Variants in CNOT6 observed in about 807,000 individuals in gnomAD.
The protein encoded by CNOT6 is carbon catabolite repression 4 protein.
CNOT6 carries 12 observed loss-of-function variants against 61.2 expected under a neutral mutation model. The ratio of observed to expected loss-of-function variants is 0.20; its 90% CI spans 0.13 to 0.32. The LOEUF (loss-of-function observed/expected upper bound fraction) is 0.32. Ranked by LOEUF, CNOT6 falls within the 10% of genes least tolerant of loss-of-function variation. The pLI is 1.00. For synonymous variants in CNOT6, 225 were observed against 240.6 expected, an observed-to-expected ratio of 0.94 and a Z score of 0.60; for missense variants, 405 against 663.9, an observed-to-expected ratio of 0.61 and a Z score of 4.28.
At chr5:180,499,407 G>A (rs1756765260) in intron 1 of CNOT6, among the ~76,000 whole-genome samples, 1 of 152,186 alleles carries the variant, frequency 6.6e-6, no homozygotes, top group South Asian at 2.1e-4. Flanking sequence ...TGGTTTGCTA[G>A]GATATGGGTT....
chr5:180,521,499 C>G (rs1477978076), intron 1 of CNOT6, among the ~76,000 whole-genome samples: 1 of 152,144 alleles, frequency 6.6e-6, no homozygotes, highest in East Asian at 1.9e-4. Flanking sequence ...ATTTTCATTT[C>G]TTTTGGGTAA....
In CNOT6 at chr5:180,567,199, A is replaced by AG; in HGVS notation, c.831dup (p.Lys278GlufsTer4). 6.2e-7 allele frequency: 1 copy of AG among 1,613,226 alleles called. No homozygotes were observed. The highest frequency in any genetic ancestry group is 8.5e-7 in the Non-Finnish European group (1 of 1,179,794). On this transcript the variant is annotated frameshift_variant, in exon 8 of 12. Coordinates refer to ENST00000261951, the MANE Select transcript of CNOT6 (RefSeq NM_001370472.1). LOFTEE classifies it high-confidence loss of function. ...AGCTAGGACAATGTCAGAACAAGAA[A>AG]GGAAACATGTTGATGGCTGTGCAAT...
chr5:180,546,347 CTTGTT>C lies in CNOT6; in HGVS notation c.113-3580_113-3576del, dbSNP rs1196361952. On this transcript the variant is annotated intron_variant, in intron 2 of 11. Coordinates refer to ENST00000261951, the MANE Select transcript of CNOT6 (RefSeq NM_001370472.1). ...GCTTCTTCTATTTTTTCTTCACTGT[CTTGTT>C]TTGAAATAATAGAGCTTTTTTTAAA... is the stretch of plus-strand genomic sequence containing the variant. Among the ~76,000 whole-genome samples the C allele has an allele frequency of 1.1e-4, 16 of 152,014 alleles. 1 individual carries two copies. Among genetic ancestry groups the C allele is most frequent in the Admixed American group, 1.0e-3 (16 of 15,282 alleles).
At chr5:180,530,374 C>T (rs945015623) in intron 2 of CNOT6, among the ~76,000 whole-genome samples, 1 of 152,074 alleles carries the variant, frequency 6.6e-6, no homozygotes, top group Non-Finnish European at 1.5e-5. Context: ...ATAGACAAAA[C>T]ATAACAAATC....
intron 1 of CNOT6, among the ~76,000 whole-genome samples, chr5:180,519,876 C>G (rs1757807547): frequency 6.8e-6 from 1 of 147,288 alleles, no homozygotes; most frequent in Non-Finnish European, 1.5e-5. Context: ...GCTCTATTGC[C>G]TAGCTGGAGT....
At chr5:180,497,159 C>T (rs1756647354) in intron 1 of CNOT6, among the ~76,000 whole-genome samples, 1 of 152,040 alleles carries the variant, frequency 6.6e-6, no homozygotes, top group African/African-American at 2.4e-5. Context: ...GAAACCCTGT[C>T]TCTACTAAAA....
At chr5:180,497,070 G>A (rs1043649713) in intron 1 of CNOT6, among the ~76,000 whole-genome samples, 1 of 152,216 alleles carries the variant, frequency 6.6e-6, no homozygotes, top group Non-Finnish European at 1.5e-5. Flanking sequence ...ACTCACGCCT[G>A]TAATCCCAGC....
chr5:180,533,312 CTA>C (rs56266069), intron 2 of CNOT6, among the ~76,000 whole-genome samples: 3,040 of 127,516 alleles, frequency 0.024, 95 homozygotes, highest in African/African-American at 0.068. Context: ...GGATGAAAAC[CTA>C]TATATATATA....
At position 180,574,201 on chromosome 5, in the gene CNOT6, T is replaced by C. The variant is rs376542751; in HGVS notation, c.*1T>C. The C allele has an allele frequency of 6.8e-4, 1,088 of 1,609,996 alleles. 3 individuals carry two copies. The highest frequency in any genetic ancestry group is 1.8e-3 in the South Asian group (164 of 91,008). ...CATCCACCTTCCTGGCAGGAGGTAG[T>C]CAAGCACCTTCAGAGGACAGCCTTG... On this transcript the variant is annotated 3_prime_UTR_variant, in exon 12 of 12. Coordinates refer to ENST00000261951, the MANE Select transcript of CNOT6 (RefSeq NM_001370472.1).
At chr5:180,527,693 C>T (rs977476083) in intron 1 of CNOT6, among the ~76,000 whole-genome samples, 14 of 152,218 alleles carry the variant, frequency 9.2e-5, no homozygotes, top group African/African-American at 2.9e-4. Context: ...TTGGGAAGCA[C>T]GTAATGTCTG....
At chr5:180,570,622 A>G (rs1288897048) in intron 10 of CNOT6, among the ~76,000 whole-genome samples, 1 of 152,244 alleles carries the variant, frequency 6.6e-6, no homozygotes, top group Non-Finnish European at 1.5e-5. Flanking sequence ...TGAGAAATAC[A>G]GTATTATAAT....
At chr5:180,512,707 C>T (rs989680435) in intron 1 of CNOT6, among the ~76,000 whole-genome samples, 1 of 151,660 alleles carries the variant, frequency 6.6e-6, no homozygotes, top group Non-Finnish European at 1.5e-5. Flanking sequence ...AGCAATTCTC[C>T]TGCCTCAGCC....
chr5:180,500,337 C>A lies in CNOT6; in HGVS notation c.-3+5574C>A, dbSNP rs142522312. ...ACGTTGCCCGGTTTGGTCTCACACT[C>A]CTGGGCTCAAGCAGTCCTCCTGCCT... On this transcript the variant is annotated intron_variant, in intron 1 of 11. Coordinates refer to ENST00000261951, the MANE Select transcript of CNOT6 (RefSeq NM_001370472.1). 7.6e-3 allele frequency among the ~76,000 whole-genome samples: 1,157 copies of A among 152,152 alleles called. 14 individuals are homozygous for A. The highest frequency in any genetic ancestry group is 0.027 in the African/African-American group (1,108 of 41,516).
intron 4 of CNOT6, 104 bp downstream of exon 4, chr5:180,553,575 C>T: frequency 1.3e-6 from 1 of 775,870 alleles, no homozygotes; most frequent in East Asian, 2.6e-5. Flanking sequence ...GACTCATTTT[C>T]CCCCAGACTT....
chr5:180,532,331 A>G (rs1019858020), intron 2 of CNOT6, among the ~76,000 whole-genome samples: 4 of 152,184 alleles, frequency 2.6e-5, no homozygotes, highest in Non-Finnish European at 5.9e-5. Context: ...AGGATACGCA[A>G]GAAAGCACTC....
intron 1 of CNOT6, among the ~76,000 whole-genome samples, chr5:180,507,502 T>G (rs1465519779): frequency 6.6e-6 from 1 of 152,198 alleles, no homozygotes; most frequent in East Asian, 1.9e-4. Flanking sequence ...CTCTGGAGGC[T>G]GAGTTAGGAG....
At chr5:180,504,046 A>C (rs148746472) in intron 1 of CNOT6, among the ~76,000 whole-genome samples, 2,609 of 152,310 alleles carry the variant, frequency 0.017, 90 homozygotes, top group African/African-American at 0.06. Context: ...ACATAATAGT[A>C]CTAAGTGGCA....
chr5:180,512,376 G>A (rs1397742042), intron 1 of CNOT6, among the ~76,000 whole-genome samples: 1 of 152,170 alleles, frequency 6.6e-6, no homozygotes, highest in African/African-American at 2.4e-5. Context: ...CTGAAGGATG[G>A]CAGTTTGTCT....
Position 180,575,823 on chromosome 5 carries a change from GAA to G in CNOT6, c.*1630_*1631del, listed in dbSNP as rs950886570. ...CAAAAGGACGCCATGTGAGCATTAG[GAA>G]AAAAAATACTCACTCTTACTAACAA... On this transcript the variant is annotated 3_prime_UTR_variant, in exon 12 of 12. Coordinates refer to ENST00000261951, the MANE Select transcript of CNOT6 (RefSeq NM_001370472.1). The G allele has an allele frequency of 6.6e-6, 1 of 150,734 alleles. No individual in the cohort carries two copies. Among genetic ancestry groups the G allele is most frequent in the African/African-American group, 2.4e-5 (1 of 41,052 alleles). 9.3% of individuals were successfully genotyped at this position (150,734 alleles called of 1,614,324 possible).
Sources: gnomAD v4.1 joint callset for allele counts (sites outside exome capture counted in the v4.1 genomes callset) on GRCh38, gnomAD v4.1.1 for gene constraint, MANE v1.5 for transcripts, NCBI Gene and HGNC (gene_info 2026-07-23, HGNC 2026-07-21) for gene names.